Variants in MBNL3 observed in about 807,000 individuals in gnomAD.
MBNL3 encodes the protein muscleblind like splicing regulator 3, also known as muscleblind-like protein 3.
A neutral mutation model predicts 24.5 loss-of-function variants in MBNL3; 6 were observed. The observed-to-expected ratio is 0.25, with a 90% CI of 0.13 to 0.48. The LOEUF (loss-of-function observed/expected upper bound fraction) is 0.48, where lower values mean the gene tolerates loss of function less well. Ranked by LOEUF, MBNL3 falls within the 20% of genes least tolerant of loss-of-function variation. The probability of loss-of-function intolerance (pLI) is 0.99; values close to 1 mark genes in which losing one functional copy is unlikely to be tolerated. For missense variants in MBNL3, 230 were observed against 293.5 expected (o/e 0.78, Z 1.58); for synonymous variants, 100 against 101.7 (o/e 0.98, Z 0.10).
At chrX:132,390,737 T>C (rs1282503072) in intron 5 of MBNL3, 110 bp downstream of exon 5, 22 of 566,975 alleles carry the variant, frequency 3.9e-5, no homozygotes, top group Non-Finnish European at 5.8e-5. Flanking sequence ...CTGTTCATAT[T>C]AAGGTCCTCT....
chrX:132,447,892 A>C (rs768600570), intron 1 of MBNL3, among the ~76,000 whole-genome samples: 58 of 112,115 alleles, frequency 5.2e-4, no homozygotes, highest in Non-Finnish European at 9.6e-4. Flanking sequence ...TGGGTTTCTC[A>C]TAAATAACTC....
At chrX:132,481,591 G>T (rs1276664127) in intron 1 of MBNL3, among the ~76,000 whole-genome samples, 2 of 111,953 alleles carry the variant, frequency 1.8e-5, no homozygotes, top group African/African-American at 3.2e-5. Context: ...CAAGTTCAAA[G>T]TATGTGCATG....
chrX:132,422,654 G>A (rs1019234324), intron 2 of MBNL3, among the ~76,000 whole-genome samples: 2 of 111,931 alleles, frequency 1.8e-5, no homozygotes, highest in African/African-American at 3.2e-5. Flanking sequence ...AGAAAGGGCC[G>A]TTTGAACAAG....
chrX:132,439,306 T>G (rs1031614097), intron 2 of MBNL3, 129 bp downstream of exon 2: 22 of 740,569 alleles, frequency 3.0e-5, no homozygotes, highest in Non-Finnish European at 3.9e-5. Context: ...GACATTCTGT[T>G]TTTTTGTTAA....
At chrX:132,398,962 C>T (rs1383076767) in intron 3 of MBNL3, among the ~76,000 whole-genome samples, 1 of 111,610 alleles carries the variant, frequency 9.0e-6, no homozygotes, top group Non-Finnish European at 1.9e-5. Context: ...ATTCATCCAA[C>T]ATCTTACTTT....
chrX:132,478,131 T>G (rs962673547), intron 1 of MBNL3, among the ~76,000 whole-genome samples: 1 of 111,978 alleles, frequency 8.9e-6, no homozygotes, highest in African/African-American at 3.2e-5. Flanking sequence ...TTAAAATTTT[T>G]GGATAATTCT....
intron 2 of MBNL3, among the ~76,000 whole-genome samples, chrX:132,412,293 T>C (rs897876331): frequency 1.8e-5 from 2 of 111,170 alleles, no homozygotes; most frequent in African/African-American, 6.6e-5. Context: ...CAGCAGCAGA[T>C]CCATATCTAA....
At chrX:132,411,390 A>G (rs529530889) in intron 2 of MBNL3, 1 of 754,250 alleles carries the variant, frequency 1.3e-6, no homozygotes, top group South Asian at 6.7e-5. Context: ...TGGGCTCAAC[A>G]ATCACACTTT....
In MBNL3 at chrX:132,390,831, G is replaced by A; in HGVS notation, c.771+16C>T. On this transcript the variant is annotated intron_variant, in intron 5 of 8. Transcript: ENST00000370853. Reference sequence around the variant, plus strand: ...ATTTACTCTGAAACAGGCCACAAGTGCAGGCCTTTTCTTACCATGGCAGAG... The same window carrying A: ...ATTTACTCTGAAACAGGCCACAAGTACAGGCCTTTTCTTACCATGGCAGAG... The A allele has an allele frequency of 8.5e-7, 1 of 1,174,543 alleles. No homozygotes were observed. The highest frequency in any genetic ancestry group is 2.2e-5 in the Admixed American group (1 of 45,911).
chrX:132,376,145 C>G lies in MBNL3; in HGVS notation c.*3521G>C, dbSNP rs376044703. The G allele has an allele frequency of 2.7e-5, 3 of 110,714 alleles. No homozygotes were observed. The highest frequency in any genetic ancestry group is 5.7e-4 in the East Asian group (2 of 3,529). The allele number at this position is 110,714 out of a possible 1,213,427, so 9.1% of individuals were successfully genotyped here. A position where few individuals can be genotyped will look rare whatever the true frequency, so the allele number is the denominator to read the frequency against. Reference sequence around the variant, plus strand: ...TAGTGGTATAGGACAACACTTATGGCAAGATCAAAGTGCTTCAGCATGTTC... The same window carrying G: ...TAGTGGTATAGGACAACACTTATGGGAAGATCAAAGTGCTTCAGCATGTTC... On this transcript the variant is annotated 3_prime_UTR_variant, in exon 9 of 9. Transcript: ENST00000370853.
intron 1 of MBNL3, among the ~76,000 whole-genome samples, chrX:132,451,464 C>T (rs1396773048): frequency 9.0e-6 from 1 of 111,609 alleles, no homozygotes; most frequent in African/African-American, 3.3e-5. Flanking sequence ...GCTTTGTTTA[C>T]GCTGTGGGGA....
intron 2 of MBNL3, among the ~76,000 whole-genome samples, chrX:132,408,467 T>C (rs1942219978): frequency 9.0e-6 from 1 of 110,539 alleles, no homozygotes; most frequent in Non-Finnish European, 1.9e-5. Flanking sequence ...ATTCCAGACA[T>C]TAGATAAGTT....
At chrX:132,399,736 G>A (rs1940521646) in intron 3 of MBNL3, among the ~76,000 whole-genome samples, 1 of 108,590 alleles carries the variant, frequency 9.2e-6, no homozygotes, top group African/African-American at 3.4e-5. Flanking sequence ...CAGGTGGTAG[G>A]GCAGCCACAG....
intron 1 of MBNL3, among the ~76,000 whole-genome samples, chrX:132,441,664 C>G (rs1945392100): frequency 8.9e-6 from 1 of 111,758 alleles, no homozygotes; most frequent in Non-Finnish European, 1.9e-5. Context: ...AAATTTGAAC[C>G]CTCATACATC....
chrX:132,399,355 A>G (rs1269703593), intron 3 of MBNL3, among the ~76,000 whole-genome samples: 1 of 110,934 alleles, frequency 9.0e-6, no homozygotes, highest in Non-Finnish European at 1.9e-5. Flanking sequence ...ATATGTACAT[A>G]CATGAATCCC....
At chrX:132,414,529 A>C (rs1393532076) in intron 2 of MBNL3, among the ~76,000 whole-genome samples, 1 of 111,755 alleles carries the variant, frequency 8.9e-6, no homozygotes, top group East Asian at 2.8e-4. Flanking sequence ...AAGAAATGTC[A>C]CTTTATATTC....
intron 2 of MBNL3, chrX:132,411,397 C>T: frequency 2.7e-6 from 2 of 754,182 alleles, no homozygotes; most frequent in Non-Finnish European, 3.1e-6. Flanking sequence ...AACAATCACA[C>T]TTTTGTTCTG....
intron 1 of MBNL3, among the ~76,000 whole-genome samples, chrX:132,470,956 G>A (rs1947149312): frequency 9.0e-6 from 1 of 111,238 alleles, no homozygotes; most frequent in African/African-American, 3.3e-5. Context: ...AGAGCATCAA[G>A]TTCAAGTTTT....
intron 1 of MBNL3, among the ~76,000 whole-genome samples, chrX:132,473,351 A>G (rs1363710672): frequency 8.9e-6 from 1 of 112,243 alleles, no homozygotes; most frequent in East Asian, 2.8e-4. Context: ...GAAACCATAA[A>G]CAAAAAATTA....
Sources: allele counts gnomAD v4.1 joint callset (sites outside exome capture counted in the v4.1 genomes callset), GRCh38; gene constraint gnomAD v4.1.1; transcripts MANE v1.5; gene names NCBI Gene and HGNC (gene_info 2026-07-23, HGNC 2026-07-21).